The following KCNQ3 variants were observed in gnomAD, a reference collection of about 807,000 sequenced individuals.
The protein encoded by KCNQ3 is potassium voltage-gated channel subfamily Q member 3.
Under a neutral mutation model 92.5 loss-of-function variants are expected in KCNQ3, and 30 were observed. The ratio of observed to expected loss-of-function variants is 0.32; its 90% CI spans 0.24 to 0.44. KCNQ3 has a LOEUF of 0.44. KCNQ3 is among the 20% of genes least tolerant of loss of function. The pLI is 1.00. For synonymous variants in KCNQ3, 450 were observed against 468.8 expected (o/e 0.96, Z 0.52); for missense variants, 913 against 1,140.3 (o/e 0.80, Z 2.87).
intron 1 of KCNQ3, among the ~76,000 whole-genome samples, chr8:132,222,329 C>A (rs1379833423): frequency 6.6e-6 from 1 of 152,194 alleles, no homozygotes; most frequent in Non-Finnish European, 1.5e-5. Flanking sequence ...ACCCATTGAT[C>A]TGAAAACCAT....
At chr8:132,198,281 G>C (rs1279973993) in intron 1 of KCNQ3, among the ~76,000 whole-genome samples, 1 of 152,142 alleles carries the variant, frequency 6.6e-6, no homozygotes, top group Non-Finnish European at 1.5e-5. Flanking sequence ...ACTAACTGTA[G>C]CGTTTGTGAG....
intron 1 of KCNQ3, among the ~76,000 whole-genome samples, chr8:132,444,537 T>A (rs1245457795): frequency 6.6e-6 from 1 of 152,208 alleles, no homozygotes; most frequent in African/African-American, 2.4e-5. Context: ...ATCATGTAAC[T>A]TTTCTGTGCC....
chr8:132,344,676 T>C (rs1445064562), intron 1 of KCNQ3, among the ~76,000 whole-genome samples: 1 of 152,180 alleles, frequency 6.6e-6, no homozygotes, highest in Non-Finnish European at 1.5e-5. Flanking sequence ...TAGCTTTGTT[T>C]ATATTCCTGG....
chr8:132,215,036 G>C (rs184519695), intron 1 of KCNQ3, among the ~76,000 whole-genome samples: 2 of 152,370 alleles, frequency 1.3e-5, no homozygotes, highest in African/African-American at 4.8e-5. Context: ...TGGATTGTCA[G>C]TCAGGCTTCC....
chr8:132,416,029 C>T (rs1820794260), intron 1 of KCNQ3, among the ~76,000 whole-genome samples: 1 of 152,174 alleles, frequency 6.6e-6, no homozygotes, highest in Admixed American at 6.5e-5. Context: ...CACCCCAGGC[C>T]ACAGTGGTGG....
At position 132,345,483 on chromosome 8, in the gene KCNQ3, C is replaced by A. The variant is rs554524463; in HGVS notation, c.386+134664G>T. 1.1e-4 allele frequency among the ~76,000 whole-genome samples: 17 copies of A among 152,288 alleles called. No homozygotes were observed. In the South Asian group the frequency reaches 3.3e-3, roughly 30 times the overall value. On this transcript the variant is annotated intron_variant, in intron 1 of 14. Coordinates refer to ENST00000388996, the MANE Select transcript of KCNQ3 (RefSeq NM_004519.4). ...ATGAGCTTCAACCATGATAGTAACA[C>A]CAGATCAGGAAGACAGCCACCACAC...
At chr8:132,163,376 A>T in intron 9 of KCNQ3, 92 bp downstream of exon 9, 6 of 1,041,196 alleles carry the variant, frequency 5.8e-6, no homozygotes, top group Non-Finnish European at 9.1e-6. Flanking sequence ...TGGGACCAGC[A>T]TGACCTCCCA....
At chr8:132,152,205 T>C (rs529817543) in intron 9 of KCNQ3, among the ~76,000 whole-genome samples, 1 of 152,194 alleles carries the variant, frequency 6.6e-6, no homozygotes, top group African/African-American at 2.4e-5. Context: ...ACAGGACTCA[T>C]GAAGAGCTAA....
At chr8:132,153,401 A>C (rs903116859) in intron 9 of KCNQ3, among the ~76,000 whole-genome samples, 8 of 152,134 alleles carry the variant, frequency 5.3e-5, no homozygotes, top group Non-Finnish European at 8.8e-5. Flanking sequence ...CCACAGCTTC[A>C]CTTTAGTATT....
At chr8:132,390,454 C>T (rs1017857754) in intron 1 of KCNQ3, among the ~76,000 whole-genome samples, 3 of 152,050 alleles carry the variant, frequency 2.0e-5, no homozygotes, top group Admixed American at 2.0e-4. Flanking sequence ...TATAATACAC[C>T]ATAAAAAATG....
intron 1 of KCNQ3, among the ~76,000 whole-genome samples, chr8:132,325,933 A>G (rs1032783832): frequency 2.6e-5 from 4 of 152,250 alleles, no homozygotes; most frequent in Non-Finnish European, 4.4e-5. Context: ...GTCTGAGAAG[A>G]GAAAACTCTG....
chr8:132,367,691 C>T (rs1307501035), intron 1 of KCNQ3, among the ~76,000 whole-genome samples: 1 of 152,228 alleles, frequency 6.6e-6, no homozygotes, highest in African/African-American at 2.4e-5. Context: ...GCAGCACTTG[C>T]TGAGTTTCAC....
At chr8:132,423,056 T>A (rs190808433) in intron 1 of KCNQ3, among the ~76,000 whole-genome samples, 21 of 152,186 alleles carry the variant, frequency 1.4e-4, no homozygotes, top group Non-Finnish European at 2.6e-4. Context: ...AAAATGCCAA[T>A]CCCCTCTCCA....
intron 1 of KCNQ3, among the ~76,000 whole-genome samples, chr8:132,375,928 A>C (rs934515847): frequency 6.6e-6 from 1 of 152,140 alleles, no homozygotes; most frequent in Non-Finnish European, 1.5e-5. Context: ...CTCTGGAGTC[A>C]ATTATTCAGG....
chr8:132,460,071 C>G (rs981938185), intron 1 of KCNQ3, among the ~76,000 whole-genome samples: 1 of 151,972 alleles, frequency 6.6e-6, no homozygotes, highest in Non-Finnish European at 1.5e-5. Flanking sequence ...TTTAAAACAC[C>G]TTTTTACTTT....
chr8:132,344,042 G>T (rs1265401820), intron 1 of KCNQ3, among the ~76,000 whole-genome samples: 2 of 152,194 alleles, frequency 1.3e-5, no homozygotes, highest in Non-Finnish European at 2.9e-5. Context: ...TCTGCATGCA[G>T]GTGCCTTTGG....
At chr8:132,178,463 C>T (rs1184321552) in intron 4 of KCNQ3, among the ~76,000 whole-genome samples, 1 of 152,172 alleles carries the variant, frequency 6.6e-6, no homozygotes. Context: ...GAATAAAAAA[C>T]ACTACTATTA....
At chr8:132,327,595 C>T (rs1818096900) in intron 1 of KCNQ3, among the ~76,000 whole-genome samples, 1 of 152,126 alleles carries the variant, frequency 6.6e-6, no homozygotes, top group African/African-American at 2.4e-5. Flanking sequence ...AGGGGATGTG[C>T]CTACCTGGAG....
intron 1 of KCNQ3, among the ~76,000 whole-genome samples, chr8:132,463,916 G>A (rs1191336921): frequency 3.3e-5 from 5 of 152,206 alleles, no homozygotes; most frequent in African/African-American, 1.2e-4. Flanking sequence ...GGGTTCAAGC[G>A]ATTCATGCCT....
Sources: gnomAD v4.1 joint callset for allele counts (sites outside exome capture counted in the v4.1 genomes callset) on GRCh38, gnomAD v4.1.1 for gene constraint, MANE v1.5 for transcripts, NCBI Gene and HGNC (gene_info 2026-07-23, HGNC 2026-07-21) for gene names.